PALM2AKAP2: variants seen among roughly 807,000 people sequenced by gnomAD.
The protein encoded by PALM2AKAP2 is PALM2 and AKAP2 fusion.
A neutral mutation model predicts 71.5 loss-of-function variants in PALM2AKAP2; 37 were observed. That is an observed-to-expected ratio of 0.52 (90% CI 0.40 to 0.68). The LOEUF is 0.68. Among genes scored for constraint, PALM2AKAP2 ranks in the 30% least tolerant of loss-of-function variants. PALM2AKAP2 has a pLI of 0.00. For missense variants in PALM2AKAP2, 1,224 were observed against 1,191.8 expected (o/e 1.03, Z -0.40); for synonymous variants, 468 against 478.8 (o/e 0.98, Z 0.29).
At chr9:110,099,764 T>C (rs78646252) in intron 1 of PALM2AKAP2, among the ~76,000 whole-genome samples, 1,712 of 152,182 alleles carry the variant, frequency 0.011, 45 homozygotes, top group East Asian at 0.08. Flanking sequence ...TGCTTGGACA[T>C]GGCAGGTAAT....
At chr9:109,982,102 G>A (rs772511669) in intron 6 of PALM2AKAP2, among the ~76,000 whole-genome samples, 8 of 152,202 alleles carry the variant, frequency 5.3e-5, no homozygotes, top group Admixed American at 2.6e-4. Flanking sequence ...GTACACAATG[G>A]AGTACTATTC....
intron 4 of PALM2AKAP2, 71 bp downstream of exon 4, chr9:109,923,920 C>T (rs1001812916): frequency 1.3e-5 from 18 of 1,404,994 alleles, no homozygotes; most frequent in Admixed American, 2.7e-5. Context: ...ATGGTGCTAA[C>T]TGGGAAACAG....
At chr9:110,024,298 C>A (rs1364610852) in intron 7 of PALM2AKAP2, among the ~76,000 whole-genome samples, 1 of 152,216 alleles carries the variant, frequency 6.6e-6, no homozygotes, top group Non-Finnish European at 1.5e-5. Flanking sequence ...CATCCCCAAA[C>A]AACCACTCAT....
rs10980142 is a variant in PALM2AKAP2 at position 110,005,322 on chromosome 9, C to T, written c.497-10632C>T. Among the ~76,000 whole-genome samples the T allele has an allele frequency of 6.1e-4, 93 of 152,326 alleles. 1 individual carries two copies. In the East Asian group the frequency reaches 0.012, roughly 19 times the overall value. ...ATCCTGTTTGCCTGGGTATCTGCAG[C>T]GGAGGCTGCAGAACAGCAGATATTG... On this transcript the variant is annotated intron_variant, in intron 6 of 9. Coordinates refer to the PALM2AKAP2 transcript ENST00000302798.
At chr9:109,702,803 T>C (rs1828083635) in intron 1 of PALM2AKAP2, among the ~76,000 whole-genome samples, 1 of 151,276 alleles carries the variant, frequency 6.6e-6, no homozygotes, top group Admixed American at 6.6e-5. Context: ...TAACTTTTGT[T>C]TTTTACTTTT....
intron 1 of PALM2AKAP2, among the ~76,000 whole-genome samples, chr9:110,095,916 C>G (rs1378107647): frequency 6.6e-6 from 1 of 152,194 alleles, no homozygotes; most frequent in Non-Finnish European, 1.5e-5. Flanking sequence ...TAGCCCATCT[C>G]TAAGTCTTCC....
At chr9:109,711,180 G>T (rs528662715) in intron 1 of PALM2AKAP2, among the ~76,000 whole-genome samples, 1 of 152,134 alleles carries the variant, frequency 6.6e-6, no homozygotes, top group Non-Finnish European at 1.5e-5. Context: ...AAAATGGAAA[G>T]GTGGTGGTAG....
rs954418499 is a variant in PALM2AKAP2, at chr9:110,013,983, A to T, written c.497-1971A>T. On this transcript the variant is annotated intron_variant, in intron 6 of 9. Transcript: ENST00000302798. Reference sequence around the variant, plus strand: ...TTTGTAAATAAAGTTTTATTGGAACATACTCATGCTCATTTGTTTCTATGT... The same window carrying T: ...TTTGTAAATAAAGTTTTATTGGAACTTACTCATGCTCATTTGTTTCTATGT... Among the ~76,000 whole-genome samples the T allele has an allele frequency of 2.6e-5, 4 of 152,210 alleles. No individual in the cohort carries two copies. The South Asian group carries it at 8.3e-4, about 32-fold the overall frequency.
chr9:110,137,416 C>T (rs1835910358), exon 2 of PALM2AKAP2: 1 of 1,614,168 alleles, frequency 6.2e-7, no homozygotes, highest in East Asian at 2.2e-5. Flanking sequence ...GACAGAAATC[C>T]CCCGGTGCCC....
intron 1 of PALM2AKAP2, among the ~76,000 whole-genome samples, chr9:110,067,561 A>G (rs1305317251): frequency 6.6e-6 from 1 of 152,234 alleles, no homozygotes; most frequent in African/African-American, 2.4e-5. Flanking sequence ...TACATTGTGC[A>G]CAGTCCTCTT....
At chr9:109,814,082 A>G (rs957845903) in intron 1 of PALM2AKAP2, among the ~76,000 whole-genome samples, 1 of 152,210 alleles carries the variant, frequency 6.6e-6, no homozygotes, top group Non-Finnish European at 1.5e-5. Context: ...GACTTGACTC[A>G]TTCTCCAGCT....
At chr9:109,826,431 GA>G (rs1283380204) in intron 1 of PALM2AKAP2, among the ~76,000 whole-genome samples, 1 of 152,036 alleles carries the variant, frequency 6.6e-6, no homozygotes, top group Non-Finnish European at 1.5e-5. Context: ...TGCTACTTGG[GA>G]AAAACATGTT....
At chr9:110,150,891 G>A (rs1339727974) in intron 2 of PALM2AKAP2, among the ~76,000 whole-genome samples, 1 of 152,154 alleles carries the variant, frequency 6.6e-6, no homozygotes, top group Non-Finnish European at 1.5e-5. Context: ...ATTTTCTCAT[G>A]ACCTTAACCA....
At chr9:109,968,808 C>T (rs1832006278) in intron 6 of PALM2AKAP2, among the ~76,000 whole-genome samples, 1 of 152,178 alleles carries the variant, frequency 6.6e-6, no homozygotes, top group African/African-American at 2.4e-5. Context: ...ACTAAGACCC[C>T]TGGAAAGGCT....
At chr9:109,917,421 C>T (rs140788480) in intron 3 of PALM2AKAP2, among the ~76,000 whole-genome samples, 2 of 151,684 alleles carry the variant, frequency 1.3e-5, no homozygotes, top group East Asian at 3.9e-4. Context: ...TCTTTAGCAC[C>T]AGGTCCCTGT....
chr9:109,787,170 T>C (rs1826995223), intron 1 of PALM2AKAP2, among the ~76,000 whole-genome samples: 1 of 152,220 alleles, frequency 6.6e-6, no homozygotes, highest in Non-Finnish European at 1.5e-5. Flanking sequence ...CGTTGGTATC[T>C]GTATGATGTC....
At chr9:109,766,430 A>G (rs576762364) in intron 1 of PALM2AKAP2, among the ~76,000 whole-genome samples, 110 of 152,350 alleles carry the variant, frequency 7.2e-4, no homozygotes, top group African/African-American at 2.5e-3. Context: ...TGACAGGCAT[A>G]GGCTATTAAT....
intron 2 of PALM2AKAP2, among the ~76,000 whole-genome samples, chr9:109,872,703 C>T (rs1325799500): frequency 6.6e-6 from 1 of 152,192 alleles, no homozygotes; most frequent in Admixed American, 6.5e-5. Context: ...GTTGTCAACC[C>T]ACTAAGGTCA....
intron 1 of PALM2AKAP2, among the ~76,000 whole-genome samples, chr9:109,687,802 C>G (rs1279441693): frequency 6.6e-6 from 1 of 152,220 alleles, no homozygotes; most frequent in African/African-American, 2.4e-5. Flanking sequence ...TTCAACATGC[C>G]TTTCTCACTA....
Sources: gnomAD v4.1 joint callset for allele counts (sites outside exome capture counted in the v4.1 genomes callset) on GRCh38, gnomAD v4.1.1 for gene constraint, MANE v1.5 for transcripts, NCBI Gene and HGNC (gene_info 2026-07-23, HGNC 2026-07-21) for gene names.